The following CTNNA3 variants were observed in gnomAD, a reference collection of about 807,000 sequenced individuals.
The protein encoded by CTNNA3 is catenin alpha 3, also known as catenin alpha-3.
A neutral mutation model predicts 95.7 loss-of-function variants in CTNNA3; 76 were observed. That is an observed-to-expected ratio of 0.79 (90% CI 0.66 to 0.96). The LOEUF (loss-of-function observed/expected upper bound fraction) is 0.96, where lower values mean the gene tolerates loss of function less well. Among genes scored for constraint, CTNNA3 ranks in the 40% least tolerant of loss-of-function variants. The pLI, the probability that CTNNA3 is intolerant of heterozygous loss-of-function variation, is 0.00. For synonymous variants in CTNNA3, 431 were observed against 374.4 expected (o/e 1.15, Z -1.74); for missense variants, 1,191 against 1,089.8 (o/e 1.09, Z -1.31).
At chr10:67,343,361 C>T (rs1842288204) in intron 5 of CTNNA3, among the ~76,000 whole-genome samples, 1 of 152,148 alleles carries the variant, frequency 6.6e-6, no homozygotes, top group Non-Finnish European at 1.5e-5. Context: ...GACATTTTAA[C>T]AATATTGACT....
intron 9 of CTNNA3, among the ~76,000 whole-genome samples, chr10:66,721,680 T>A (rs1197285935): frequency 6.6e-6 from 1 of 152,168 alleles, no homozygotes; most frequent in African/African-American, 2.4e-5. Flanking sequence ...GCTGCCCTGC[T>A]GGGGAATGTT....
rs184611182 is a variant in CTNNA3 at position 65,913,199 on chromosome 10, C to T, written c.*7131G>A. 2 of 152,060 alleles carry T rather than the reference C, an allele frequency of 1.3e-5. No homozygotes were observed. Among genetic ancestry groups the T allele is most frequent in the East Asian group, 1.9e-4 (1 of 5,168 alleles). The allele number at this position is 152,060 out of a possible 1,614,324, so 9.4% of individuals were successfully genotyped here. A position where few individuals can be genotyped will look rare whatever the true frequency, so the allele number is the denominator to read the frequency against. ...AGCTGTCAAAGTTGTTGTTGTAATA[C>T]GACATAAAGTAAATGATTTTTTTCC... is the stretch of plus-strand genomic sequence containing the variant. On this transcript the variant is annotated 3_prime_UTR_variant, in exon 18 of 18. Coordinates refer to ENST00000433211, the MANE Select transcript of CTNNA3 (RefSeq NM_013266.4).
intron 7 of CTNNA3, among the ~76,000 whole-genome samples, chr10:66,921,596 C>G (rs1846788222): frequency 6.6e-6 from 1 of 152,168 alleles, no homozygotes; most frequent in Non-Finnish European, 1.5e-5. Flanking sequence ...GGCCTTTGCA[C>G]TGGCCACTCC....
intron 15 of CTNNA3, among the ~76,000 whole-genome samples, chr10:66,028,071 A>G (rs1283687075): frequency 1.3e-5 from 2 of 152,182 alleles, no homozygotes; most frequent in African/African-American, 4.8e-5. Context: ...TTAAATATGA[A>G]CAGCGATCCA....
chr10:67,135,027 G>C (rs1860224783), intron 7 of CTNNA3, among the ~76,000 whole-genome samples: 1 of 152,160 alleles, frequency 6.6e-6, no homozygotes, highest in African/African-American at 2.4e-5. Context: ...AAAAAAGATA[G>C]AGGGGTAATG....
At position 65,918,286 on chromosome 10, in the gene CTNNA3, TC is replaced by T. The variant is rs2077031607; in HGVS notation, c.*2043del. The T allele has an allele frequency of 6.6e-6, 1 of 152,176 alleles. No individual in the cohort carries two copies. The highest frequency in any genetic ancestry group is 6.5e-5 in the Admixed American group (1 of 15,268). 9.4% of individuals were successfully genotyped at this position (152,176 alleles called of 1,614,324 possible). On this transcript the variant is annotated 3_prime_UTR_variant, in exon 18 of 18. Coordinates refer to ENST00000433211, the MANE Select transcript of CTNNA3 (RefSeq NM_013266.4). ...ATTTTCTAAATGAGATGCTTATGATTCTTGTGAATGTGGCTTTAGGAGCTAA... is the reference window on the plus strand; with the variant it reads ...ATTTTCTAAATGAGATGCTTATGATTTTGTGAATGTGGCTTTAGGAGCTAA...
chr10:67,038,446 A>G (rs1030714952), intron 7 of CTNNA3, among the ~76,000 whole-genome samples: 3 of 152,098 alleles, frequency 2.0e-5, no homozygotes, highest in Non-Finnish European at 4.4e-5. Context: ...ATATATGTCC[A>G]TTAATTAGAA....
intron 1 of CTNNA3, among the ~76,000 whole-genome samples, chr10:67,668,832 C>CTTT (rs869150567): frequency 2.4e-3 from 219 of 90,074 alleles, no homozygotes; most frequent in East Asian, 0.015. Flanking sequence ...TACTGTGTTT[C>CTTT]TTTTTTTTTT....
intron 10 of CTNNA3, among the ~76,000 whole-genome samples, chr10:66,586,691 G>C (rs1843370050): frequency 1.3e-5 from 2 of 152,130 alleles, no homozygotes; most frequent in African/African-American, 4.8e-5. Context: ...TTGGGTGAGG[G>C]GAAAAAGAAA....
intron 11 of CTNNA3, among the ~76,000 whole-genome samples, chr10:66,413,559 G>A (rs946579948): frequency 9.9e-5 from 15 of 152,136 alleles, no homozygotes; most frequent in African/African-American, 3.6e-4. Context: ...ACAAAATATG[G>A]TAACATGGTA....
chr10:67,340,720 T>A (rs993599692), intron 5 of CTNNA3, among the ~76,000 whole-genome samples: 1 of 152,214 alleles, frequency 6.6e-6, no homozygotes, highest in Non-Finnish European at 1.5e-5. Flanking sequence ...TCTAATTGAA[T>A]GTATCAAGTT....
At chr10:66,776,277 A>G (rs1401945145) in intron 7 of CTNNA3, among the ~76,000 whole-genome samples, 2 of 152,198 alleles carry the variant, frequency 1.3e-5, no homozygotes, top group African/African-American at 4.8e-5. Context: ...AGAGATTGGA[A>G]AAATCATTAT....
intron 9 of CTNNA3, among the ~76,000 whole-genome samples, chr10:66,735,322 A>C (rs1013656559): frequency 6.6e-6 from 1 of 151,802 alleles, no homozygotes; most frequent in African/African-American, 2.4e-5. Context: ...TCTTTTAAAA[A>C]CCCTAAATAC....
chr10:66,691,665 G>C (rs1372153968), intron 9 of CTNNA3, among the ~76,000 whole-genome samples: 1 of 152,170 alleles, frequency 6.6e-6, no homozygotes, highest in Non-Finnish European at 1.5e-5. Context: ...TCCTCAAGTG[G>C]GTCCCTGACC....
At chr10:66,507,709 T>C (rs1381966622) in intron 11 of CTNNA3, among the ~76,000 whole-genome samples, 1 of 147,572 alleles carries the variant, frequency 6.8e-6, no homozygotes. Context: ...TATTCTGTTG[T>C]GTATATATAT....
intron 10 of CTNNA3, among the ~76,000 whole-genome samples, chr10:66,594,783 A>T (rs1304863494): frequency 1.3e-5 from 2 of 152,180 alleles, no homozygotes; most frequent in Non-Finnish European, 2.9e-5. Context: ...AGATCATCTA[A>T]GTATGAATCT....
intron 1 of CTNNA3, among the ~76,000 whole-genome samples, chr10:67,727,046 TATATG>T (rs1288218824): frequency 2.6e-5 from 3 of 113,598 alleles, no homozygotes; most frequent in Admixed American, 1.1e-4. Flanking sequence ...ATATGATACA[TATATG>T]ATATAATTAT....
intron 7 of CTNNA3, among the ~76,000 whole-genome samples, chr10:66,978,574 A>G (rs1462823656): frequency 8.8e-6 from 1 of 114,136 alleles, no homozygotes; most frequent in Non-Finnish European, 1.8e-5. Context: ...TATATATAGT[A>G]TGGTGTACTT....
intron 13 of CTNNA3, among the ~76,000 whole-genome samples, chr10:66,214,753 T>C: frequency 6.6e-6 from 1 of 152,120 alleles, no homozygotes. Flanking sequence ...TTTAGTCTAT[T>C]AGCTAGAGGA....
Sources: gnomAD v4.1 joint callset for allele counts (sites outside exome capture counted in the v4.1 genomes callset) on GRCh38, gnomAD v4.1.1 for gene constraint, MANE v1.5 for transcripts, NCBI Gene and HGNC (gene_info 2026-07-23, HGNC 2026-07-21) for gene names.